Variants in SMG6 observed in about 807,000 individuals in gnomAD.
SMG6 encodes the protein SMG6 nonsense mediated mRNA decay factor.
In SMG6, 66 loss-of-function variants were observed where a neutral mutation model predicts 142.2. The ratio of observed to expected loss-of-function variants is 0.46; its 90% confidence interval spans 0.38 to 0.57. The LOEUF (loss-of-function observed/expected upper bound fraction) is 0.57, where lower values mean the gene tolerates loss of function less well. Ranked by LOEUF, SMG6 falls within the 20% of genes least tolerant of loss-of-function variation. The pLI is 0.00. For missense variants in SMG6, 1,793 were observed against 1,832.0 expected (o/e 0.98, Z 0.39); for synonymous variants, 779 against 702.4 (o/e 1.11, Z -1.72).
intron 13 of SMG6, among the ~76,000 whole-genome samples, chr17:2,169,485 A>T (rs893993702): frequency 1.3e-5 from 2 of 152,172 alleles, no homozygotes; most frequent in African/African-American, 4.8e-5. Context: ...ACTTTATATG[A>T]TTATATGATG....
intron 13 of SMG6, among the ~76,000 whole-genome samples, chr17:2,107,328 T>C (rs2069182304): frequency 6.6e-6 from 1 of 152,176 alleles, no homozygotes; most frequent in East Asian, 1.9e-4. Context: ...ATGGGGACTG[T>C]CATTTCCTGT....
At chr17:2,159,297 T>C (rs9912385) in intron 13 of SMG6, among the ~76,000 whole-genome samples, 3 of 151,832 alleles carry the variant, frequency 2.0e-5, no homozygotes, top group African/African-American at 7.3e-5. Context: ...TGTGGTGGCA[T>C]GCTACAGCTG....
intron 10 of SMG6, among the ~76,000 whole-genome samples, chr17:2,211,373 G>T (rs1331237096): frequency 1.3e-5 from 2 of 152,166 alleles, no homozygotes; most frequent in East Asian, 3.9e-4. Flanking sequence ...TAACAAAAAG[G>T]TGTTATTTGG....
chr17:2,204,654 C>T (rs1263662785), intron 10 of SMG6, among the ~76,000 whole-genome samples: 3 of 152,154 alleles, frequency 2.0e-5, no homozygotes, highest in African/African-American at 7.2e-5. Flanking sequence ...GCTGTGGAAT[C>T]GACATACCTT....
intron 12 of SMG6, among the ~76,000 whole-genome samples, chr17:2,173,845 CTTTTTTTTTT>C (rs35215989): frequency 1.3e-5 from 1 of 74,804 alleles, no homozygotes; most frequent in Admixed American, 1.7e-4. Flanking sequence ...ATCCATAAAG[CTTTTTTTTTT>C]TTTTTTTTTT....
rs923527109 is a variant in SMG6 at position 2,297,234 on chromosome 17, G to A, written c.2151+9C>T. 2.5e-6 allele frequency: 4 copies of A among 1,573,668 alleles called. No homozygotes were observed. Among genetic ancestry groups the A allele is most frequent in the Admixed American group, 1.9e-5 (1 of 52,304 alleles). ...TGAAAATTTAAGATACATAAAGAAG[G>A]TAGCTTACTGTCTTGCGTAATGGCT... On this transcript the variant is annotated intron_variant, in intron 4 of 18. Coordinates refer to ENST00000263073, the MANE Select transcript of SMG6 (RefSeq NM_017575.5).
chr17:2,265,964 T>A, intron 8 of SMG6: 1 of 984,682 alleles, frequency 1.0e-6, no homozygotes, highest in Non-Finnish European at 1.2e-6. Context: ...GGGCTTCTAA[T>A]CACCTCTCAT....
chr17:2,226,596 AAAC>A (rs2073326125), intron 10 of SMG6, among the ~76,000 whole-genome samples: 1 of 149,400 alleles, frequency 6.7e-6, no homozygotes. Flanking sequence ...ACAAACAAAC[AAAC>A]AAAAAAAAAA....
intron 13 of SMG6, among the ~76,000 whole-genome samples, chr17:2,141,115 C>T (rs1274459077): frequency 1.3e-5 from 2 of 152,314 alleles, no homozygotes; most frequent in South Asian, 2.1e-4. Flanking sequence ...ATTTGTTTTT[C>T]GGTTGCACTA....
intron 13 of SMG6, among the ~76,000 whole-genome samples, chr17:2,170,342 G>A (rs144381266): frequency 5.9e-5 from 9 of 152,266 alleles, no homozygotes; most frequent in Non-Finnish European, 1.2e-4. Context: ...AAGATGGGGC[G>A]TAGGAAGAGT....
chr17:2,147,695 G>A (rs1190734441), intron 13 of SMG6, among the ~76,000 whole-genome samples: 2 of 152,160 alleles, frequency 1.3e-5, no homozygotes, highest in Non-Finnish European at 2.9e-5. Flanking sequence ...ACAAAAAGAT[G>A]TTCGACATCA....
intron 8 of SMG6, among the ~76,000 whole-genome samples, chr17:2,272,921 C>T (rs1259563622): frequency 6.6e-6 from 1 of 150,922 alleles, no homozygotes; most frequent in Non-Finnish European, 1.5e-5. Context: ...CAGAGAGAAA[C>T]TCTGTCTCAA....
intron 12 of SMG6, among the ~76,000 whole-genome samples, chr17:2,181,421 A>G: frequency 6.6e-6 from 1 of 152,226 alleles, no homozygotes; most frequent in East Asian, 1.9e-4. Context: ...TTAAACTCGC[A>G]TTCCAGAGAT....
At chr17:2,188,295 G>A (rs1465823508) in intron 11 of SMG6, 104 bp downstream of exon 11, 4 of 871,668 alleles carry the variant, frequency 4.6e-6, no homozygotes, top group Non-Finnish European at 7.3e-6. Context: ...AGGAAGAATG[G>A]AGACTACAGG....
At chr17:2,253,417 T>A (rs2074093802) in intron 8 of SMG6, among the ~76,000 whole-genome samples, 1 of 152,076 alleles carries the variant, frequency 6.6e-6, no homozygotes, top group African/African-American at 2.4e-5. Context: ...TAGCCTAAAA[T>A]ATTTACTATC....
At chr17:2,114,683 C>CT (rs1452415774) in intron 13 of SMG6, among the ~76,000 whole-genome samples, 1 of 151,982 alleles carries the variant, frequency 6.6e-6, no homozygotes, top group Non-Finnish European at 1.5e-5. Context: ...AATCCCAGCA[C>CT]TTTGGGGGGC....
intron 8 of SMG6, among the ~76,000 whole-genome samples, chr17:2,262,237 G>A (rs1378162728): frequency 6.6e-6 from 1 of 152,188 alleles, no homozygotes; most frequent in Admixed American, 6.5e-5. Context: ...AAGCCAAGCT[G>A]GGCTTGGCTC....
At chr17:2,284,586 C>T (rs2151381927) in intron 6 of SMG6, among the ~76,000 whole-genome samples, 1 of 152,278 alleles carries the variant, frequency 6.6e-6, no homozygotes, top group South Asian at 2.1e-4. Context: ...ATAACTGTTT[C>T]AAAATACATT....
chr17:2,119,068 T>C (rs1386930930), intron 13 of SMG6, among the ~76,000 whole-genome samples: 1 of 151,390 alleles, frequency 6.6e-6, no homozygotes, highest in African/African-American at 2.4e-5. Flanking sequence ...ATTTTTTTTT[T>C]TTTTTTTGAG....
Sources: allele counts gnomAD v4.1 joint callset (sites outside exome capture counted in the v4.1 genomes callset), GRCh38; gene constraint gnomAD v4.1.1; transcripts MANE v1.5; gene names NCBI Gene and HGNC (gene_info 2026-07-23, HGNC 2026-07-21).